The following CNBD1 variants were observed in gnomAD, a reference collection of about 807,000 sequenced individuals.
The protein encoded by CNBD1 is cyclic nucleotide binding domain containing 1.
A neutral mutation model predicts 54.4 loss-of-function variants in CNBD1; 71 were observed. That is an observed-to-expected ratio of 1.30 (90% CI 1.08 to 1.59). CNBD1 has a LOEUF of 1.59. CNBD1 is among the 40% of genes most tolerant of loss of function. The probability of loss-of-function intolerance (pLI) is 0.00; values close to 1 mark genes in which losing one functional copy is unlikely to be tolerated. For synonymous variants in CNBD1, 182 were observed against 170.7 expected (o/e 1.07, Z -0.51); for missense variants, 659 against 518.0 (o/e 1.27, Z -2.64).
chr8:87,416,550 G>T (rs776186539), intron 2 of CNBD1, among the ~76,000 whole-genome samples: 11 of 152,116 alleles, frequency 7.2e-5, no homozygotes, highest in Non-Finnish European at 1.3e-4. Flanking sequence ...CCAGAACAGG[G>T]TTGGAGACCC....
Position 87,340,623 on chromosome 8 carries a change from C to T in CNBD1, c.1043-11062C>T, listed in dbSNP as rs545925144. ...TCTGTTGTTGTTTTTTTTCCTTTTG[C>T]TTGTTATTAAGCTTTTCTGTCAGGA... On this transcript the variant is annotated intron_variant, in intron 8 of 10. Coordinates refer to ENST00000518476, the MANE Select transcript of CNBD1 (RefSeq NM_173538.3). Among the ~76,000 whole-genome samples, 141 of 151,454 alleles carry T rather than the reference C, an allele frequency of 9.3e-4. 1 individual carries two copies. The highest frequency in any genetic ancestry group is 3.3e-3 in the African/African-American group (136 of 41,340).
downstream of CNBD1, among the ~76,000 whole-genome samples, chr8:87,387,386 G>T (rs574045926): frequency 6.6e-6 from 1 of 151,936 alleles, no homozygotes. Context: ...ACACACATAG[G>T]CTCAAAATAA....
intron 2 of CNBD1, among the ~76,000 whole-genome samples, chr8:86,890,880 G>A (rs142834868): frequency 6.6e-5 from 10 of 151,504 alleles, no homozygotes; most frequent in African/African-American, 1.2e-4. Flanking sequence ...TGAACACATT[G>A]GCTATACATA....
intron 4 of CNBD1, among the ~76,000 whole-genome samples, chr8:87,009,341 C>T (rs1366935908): frequency 4.6e-5 from 7 of 152,088 alleles, no homozygotes; most frequent in African/African-American, 1.7e-4. Flanking sequence ...CACTCTGTCG[C>T]CCAGGCTGGA....
At chr8:87,256,180 G>T (rs893582522) in intron 6 of CNBD1, among the ~76,000 whole-genome samples, 1 of 149,754 alleles carries the variant, frequency 6.7e-6, no homozygotes, top group Non-Finnish European at 1.5e-5. Context: ...ACACCATCAT[G>T]CCCAGCTAAT....
intron 2 of CNBD1, among the ~76,000 whole-genome samples, chr8:87,390,498 C>G (rs1283051507): frequency 6.6e-6 from 1 of 152,296 alleles, no homozygotes; most frequent in East Asian, 1.9e-4. Context: ...AAATGCTCAT[C>G]ATCACTGGCC....
At chr8:87,408,514 A>G (rs1211545016) in intron 2 of CNBD1, among the ~76,000 whole-genome samples, 1 of 152,048 alleles carries the variant, frequency 6.6e-6, no homozygotes, top group Non-Finnish European at 1.5e-5. Context: ...CATCTTTATG[A>G]ACTATTTTTA....
At chr8:86,939,573 A>C in intron 3 of CNBD1, 23 bp from the exon 4 acceptor site, 1 of 1,542,192 alleles carries the variant, frequency 6.5e-7, no homozygotes, top group Non-Finnish European at 8.8e-7. Flanking sequence ...CAACAGCATA[A>C]AATACTATAT....
At chr8:87,188,286 A>G (rs1017726840) in intron 4 of CNBD1, among the ~76,000 whole-genome samples, 6 of 152,060 alleles carry the variant, frequency 3.9e-5, no homozygotes, top group African/African-American at 1.4e-4. Context: ...TATCTCTTTC[A>G]CATGCATAAG....
intron 2 of CNBD1, among the ~76,000 whole-genome samples, chr8:86,897,309 A>T (rs929484220): frequency 6.6e-6 from 1 of 152,242 alleles, no homozygotes; most frequent in African/African-American, 2.4e-5. Context: ...TGGGTGTTTA[A>T]TACAGAAATC....
At chr8:86,932,939 G>A (rs987161594) in intron 3 of CNBD1, among the ~76,000 whole-genome samples, 14 of 152,044 alleles carry the variant, frequency 9.2e-5, no homozygotes, top group Admixed American at 3.3e-4. Flanking sequence ...TTTCCTCCTA[G>A]ATCACAAAGA....
chr8:87,342,113 A>C (rs1810076779), intron 8 of CNBD1, among the ~76,000 whole-genome samples: 1 of 152,092 alleles, frequency 6.6e-6, no homozygotes, highest in Admixed American at 6.5e-5. Context: ...TTCTACTAAA[A>C]ATACAAAAAA....
intron 4 of CNBD1, among the ~76,000 whole-genome samples, chr8:87,134,845 G>A (rs902901378): frequency 3.3e-5 from 5 of 151,234 alleles, no homozygotes; most frequent in Admixed American, 6.6e-5. Context: ...TCCTGACTTC[G>A]TGATCTGCCC....
chr8:86,961,522 A>G (rs1807928945), intron 4 of CNBD1, among the ~76,000 whole-genome samples: 1 of 152,242 alleles, frequency 6.6e-6, no homozygotes, highest in Non-Finnish European at 1.5e-5. Flanking sequence ...GTGAGAGAAA[A>G]TTCTAAGGAG....
intron 6 of CNBD1, among the ~76,000 whole-genome samples, chr8:87,256,023 T>C (rs868208451): frequency 1.8e-5 from 1 of 56,702 alleles, no homozygotes; most frequent in African/African-American, 5.8e-5. Flanking sequence ...ATATTTTTTT[T>C]TTTTTTTTTT....
At chr8:87,380,254 C>A (rs1278805653) in intron 10 of CNBD1, among the ~76,000 whole-genome samples, 1 of 151,902 alleles carries the variant, frequency 6.6e-6, no homozygotes, top group Non-Finnish European at 1.5e-5. Context: ...AAATAGTATA[C>A]AGTTAGAAAT....
intron 2 of CNBD1, among the ~76,000 whole-genome samples, chr8:86,904,479 T>A (rs563879349): frequency 1.3e-5 from 2 of 152,024 alleles, no homozygotes; most frequent in Non-Finnish European, 2.9e-5. Context: ...TAGCTACATA[T>A]AAGAGTCATC....
intron 4 of CNBD1, among the ~76,000 whole-genome samples, chr8:87,103,717 A>G (rs1420453194): frequency 6.6e-6 from 1 of 152,182 alleles, no homozygotes; most frequent in Non-Finnish European, 1.5e-5. Flanking sequence ...ACTGGGTCCC[A>G]CCCACGACAC....
chr8:87,093,165 G>T (rs1271391581), intron 4 of CNBD1, among the ~76,000 whole-genome samples: 2 of 152,116 alleles, frequency 1.3e-5, no homozygotes, highest in Non-Finnish European at 1.5e-5. Context: ...TAGGAAAATG[G>T]CTAATTCTTG....
Sources: gnomAD v4.1 joint callset for allele counts (sites outside exome capture counted in the v4.1 genomes callset) on GRCh38, gnomAD v4.1.1 for gene constraint, MANE v1.5 for transcripts, NCBI Gene and HGNC (gene_info 2026-07-23, HGNC 2026-07-21) for gene names.